RUSF1: variants seen among roughly 807,000 people sequenced by gnomAD.
RUSF1 encodes RUS1 family protein C16orf58.
RUSF1 carries 58 observed loss-of-function variants against 63.0 expected under a neutral mutation model. That is an observed-to-expected ratio of 0.92 (90% confidence interval 0.75 to 1.15). RUSF1 has a LOEUF of 1.15. Ranked by LOEUF, RUSF1 falls within the 50% of genes most tolerant of loss-of-function variation. The probability of loss-of-function intolerance (pLI) is 0.00; values close to 1 mark genes in which losing one functional copy is unlikely to be tolerated. For synonymous variants in RUSF1, 274 were observed against 255.8 expected, an observed-to-expected ratio of 1.07 and a Z score of -0.68; for missense variants, 652 against 611.0, an observed-to-expected ratio of 1.07 and a Z score of -0.71.
At chr16:31,491,922 T>C in intron 12 of RUSF1, 87 bp downstream of exon 12, 1 of 1,394,708 alleles carries the variant, frequency 7.2e-7, no homozygotes, top group African/African-American at 1.4e-5. Flanking sequence ...CTTTTACCTT[T>C]CAGGTGAAAG....
At chr16:31,507,654 T>A in intron 2 of RUSF1, 110 bp downstream of exon 2, 1 of 1,012,158 alleles carries the variant, frequency 9.9e-7, no homozygotes, top group East Asian at 2.6e-5. Context: ...TGGGGAGACC[T>A]GCCTGAATTC....
At chr16:31,500,646 G>A (rs775916436) in intron 3 of RUSF1, 40 bp downstream of exon 3, 11 of 1,599,460 alleles carry the variant, frequency 6.9e-6, no homozygotes, top group Admixed American at 1.7e-5. Context: ...CCACTACTGG[G>A]AAGAGTTGCC....
intron 6 of RUSF1, among the ~76,000 whole-genome samples, chr16:31,496,407 G>T (rs542076784): frequency 6.6e-6 from 1 of 152,164 alleles, no homozygotes; most frequent in East Asian, 1.9e-4. Flanking sequence ...TAATCCATGC[G>T]GAGTTCAGCC....
intron 6 of RUSF1, 129 bp from the exon 7 acceptor site, chr16:31,494,065 T>G: frequency 9.6e-7 from 1 of 1,044,058 alleles, no homozygotes. Context: ...TGTGGGTAAA[T>G]TTTTAGTTTT....
At chr16:31,506,791 G>GA (rs947719303) in intron 2 of RUSF1, among the ~76,000 whole-genome samples, 1,728 of 146,476 alleles carry the variant, frequency 0.012, 29 homozygotes, top group African/African-American at 0.036. Flanking sequence ...TACGAGTCTG[G>GA]AAAAAAAAAA....
chr16:31,496,632 G>A (rs972633585), intron 6 of RUSF1, among the ~76,000 whole-genome samples: 3 of 152,164 alleles, frequency 2.0e-5, no homozygotes, highest in African/African-American at 7.2e-5. Flanking sequence ...CAAGGCTGAG[G>A]GCTTGCTCTC....
intron 9 of RUSF1, 30 bp downstream of exon 9, chr16:31,493,437 G>GACCA: frequency 1.9e-6 from 3 of 1,572,698 alleles, no homozygotes; most frequent in East Asian, 2.4e-5. Flanking sequence ...GGTGGCGGTG[G>GACCA]TGACGAGCGG....
rs369748481 is a variant in RUSF1 at position 31,508,005 on chromosome 16, G to A, written c.300+69C>T. The A allele has an allele frequency of 4.5e-6, 7 of 1,547,170 alleles. No individual in the cohort carries two copies. In the East Asian group the frequency reaches 1.7e-4, roughly 38 times the overall value. ...CCCGCCCCCCGGGCTCCGAGTCTCAGTCACCCGTCCATTATTGGGGAGGGA... is the reference window on the plus strand; with the variant it reads ...CCCGCCCCCCGGGCTCCGAGTCTCAATCACCCGTCCATTATTGGGGAGGGA... On this transcript the variant is annotated intron_variant, in intron 1 of 12. Coordinates refer to ENST00000327237, the MANE Select transcript of RUSF1 (RefSeq NM_022744.4).
At chr16:31,493,277 A>C in intron 9 of RUSF1, 190 bp downstream of exon 9, 2 of 892,118 alleles carry the variant, frequency 2.2e-6, no homozygotes, top group Non-Finnish European at 3.6e-6. Flanking sequence ...CATCAAGCAC[A>C]TCTCTTACAT....
rs369855362 is a variant in RUSF1, at chr16:31,490,559, A to C, written c.*276T>G. On this transcript the variant is annotated 3_prime_UTR_variant, in exon 13 of 13. Coordinates refer to ENST00000327237, the MANE Select transcript of RUSF1 (RefSeq NM_022744.4). The stretch of plus-strand genomic sequence containing the variant: ...AAGACCAACTGCGTTGGACACCATA[A>C]GCCACAGCCTCACAGGAAGTGGGGG... 1 of 1,572,262 alleles carries C rather than the reference A, an allele frequency of 6.4e-7. No individual in the cohort carries two copies. The highest frequency in any genetic ancestry group is 1.3e-5 in the African/African-American group (1 of 74,274).
At chr16:31,498,715 C>A (rs1182139614) in intron 5 of RUSF1, among the ~76,000 whole-genome samples, 2 of 152,154 alleles carry the variant, frequency 1.3e-5, no homozygotes, top group Non-Finnish European at 2.9e-5. Flanking sequence ...TGCTCCATCT[C>A]CACCTCGCCT....
intron 3 of RUSF1, 68 bp from the exon 4 acceptor site, chr16:31,499,593 A>C: frequency 6.9e-7 from 1 of 1,448,620 alleles, no homozygotes; most frequent in Non-Finnish European, 9.4e-7. Flanking sequence ...CAGTGTGGGG[A>C]GTCTTGGACC....
intron 2 of RUSF1, among the ~76,000 whole-genome samples, chr16:31,506,515 C>T (rs2082659700): frequency 6.6e-6 from 1 of 152,050 alleles, no homozygotes. Context: ...GGCGCAGTGG[C>T]TCACGCCTAT....
In RUSF1 at chr16:31,489,917, T is replaced by C. The variant is rs1043649078; in HGVS notation, c.*918A>G. 1 of 728,300 alleles carries C rather than the reference T, an allele frequency of 1.4e-6. No individual in the cohort carries two copies. Among genetic ancestry groups the C allele is most frequent in the Non-Finnish European group, 2.4e-6 (1 of 425,214 alleles). 45.1% of individuals were successfully genotyped at this position (728,300 alleles called of 1,614,324 possible). ...GGCTTTAAACACAAGCTCAGGGGCT[T>C]GGGGTTTATCCCGAGGGCACAGGGC... On this transcript the variant is annotated 3_prime_UTR_variant, in exon 13 of 13. Coordinates refer to ENST00000327237, the MANE Select transcript of RUSF1 (RefSeq NM_022744.4).
rs1567394456 is a variant in RUSF1 at position 31,492,188 on chromosome 16, G to C, written c.1231+9C>G. ...GAGGCATCAGCAGTCTAAATCTTGA[G>C]GCACTTACCTGCCCGCACCCGGTTC... On this transcript the variant is annotated intron_variant, in intron 11 of 12. Coordinates refer to ENST00000327237, the MANE Select transcript of RUSF1 (RefSeq NM_022744.4). The C allele has an allele frequency of 1.2e-6, 2 of 1,609,970 alleles. No homozygotes were observed. Among genetic ancestry groups the C allele is most frequent in the Non-Finnish European group, 1.7e-6 (2 of 1,177,254 alleles).
At position 31,500,644 on chromosome 16, in the gene RUSF1, G is replaced by A. The variant is rs1316196497; in HGVS notation, c.461+42C>T. 1.9e-6 allele frequency: 3 copies of A among 1,596,132 alleles called. No homozygotes were observed. The South Asian group carries it at 3.3e-5, about 18-fold the overall frequency. ...TATTACTATCATTACTACCACTACTGGGAAGAGTTGCCAGAGTTGCTGGCC... is the reference window on the plus strand; with the variant it reads ...TATTACTATCATTACTACCACTACTAGGAAGAGTTGCCAGAGTTGCTGGCC... On this transcript the variant is annotated intron_variant, in intron 3 of 12. Transcript: ENST00000327237.
chr16:31,502,830 A>G (rs2082639317), intron 2 of RUSF1, among the ~76,000 whole-genome samples: 2 of 152,258 alleles, frequency 1.3e-5, no homozygotes. Context: ...GGGTTTCACC[A>G]TGTTGGCCAG....
chr16:31,491,902 G>C (rs1387304417), intron 12 of RUSF1, 107 bp downstream of exon 12: 1 of 1,240,638 alleles, frequency 8.1e-7, no homozygotes, highest in African/African-American at 1.5e-5. Context: ...CCAGGCCCAA[G>C]AACCCAAGTC....
At chr16:31,499,808 G>A (rs976797800) in intron 3 of RUSF1, among the ~76,000 whole-genome samples, 3 of 152,092 alleles carry the variant, frequency 2.0e-5, no homozygotes, top group African/African-American at 4.8e-5. Flanking sequence ...GCCTCTGTCT[G>A]TCCTTGGAGG....
Sources: allele counts gnomAD v4.1 joint callset (sites outside exome capture counted in the v4.1 genomes callset), GRCh38; gene constraint gnomAD v4.1.1; transcripts MANE v1.5; gene names NCBI Gene and HGNC (gene_info 2026-07-23, HGNC 2026-07-21).